ANTXR1: variants seen among roughly 807,000 people sequenced by gnomAD.
ANTXR1 encodes the protein ANTXR cell adhesion molecule 1.
A neutral mutation model predicts 78.1 loss-of-function variants in ANTXR1; 19 were observed. That is an observed-to-expected ratio of 0.24 (90% CI 0.17 to 0.36). ANTXR1 has a LOEUF of 0.36. Among genes scored for constraint, ANTXR1 ranks in the 10% least tolerant of loss-of-function variants. The pLI is 1.00. For missense variants in ANTXR1, 518 were observed against 718.6 expected, an observed-to-expected ratio of 0.72 and a Z score of 3.19; for synonymous variants, 273 against 260.5, an observed-to-expected ratio of 1.05 and a Z score of -0.46.
At chr2:69,116,600 A>G (rs999436795) in intron 10 of ANTXR1, among the ~76,000 whole-genome samples, 3 of 152,138 alleles carry the variant, frequency 2.0e-5, no homozygotes, top group Admixed American at 6.5e-5. Context: ...GGACACTAGG[A>G]GAAACAGCAA....
Position 69,077,474 on chromosome 2 carries a change from G to A in ANTXR1, c.628G>A (p.Gly210Ser). 1 of 1,614,152 alleles carries A rather than the reference G, an allele frequency of 6.2e-7. No individual in the cohort carries two copies. Among genetic ancestry groups the A allele is most frequent in the Non-Finnish European group, 8.5e-7 (1 of 1,180,022 alleles). ...GAATGACGGCTTTCAGGCTCTGCAAGGCATCATCCACTCAGTAAGTAGAGC... is the reference window on the plus strand; with the variant it reads ...GAATGACGGCTTTCAGGCTCTGCAAAGCATCATCCACTCAGTAAGTAGAGC... ...PVNDGFQALQ[G>S]IIHSILKKSC... Residue 210 changes from glycine (G) to serine (S), a missense_variant, in exon 8 of 18, where the codon GGC becomes AGC. Physicochemically the swap from Gly to Ser is moderately conservative, Grantham distance 56 (BLOSUM62 0). This residue lies in a region of ANTXR1 where 264 missense variants were observed against 391.8 expected (regional missense o/e 0.67). Coordinates refer to ENST00000303714, the MANE Select transcript of ANTXR1 (RefSeq NM_032208.3).
At chr2:69,079,817 C>T (rs909114640) in intron 8 of ANTXR1, among the ~76,000 whole-genome samples, 10 of 152,178 alleles carry the variant, frequency 6.6e-5, no homozygotes, top group Non-Finnish European at 1.3e-4. Context: ...TCTGTTCAGA[C>T]GTTCTTATGA....
rs549725614 is a variant in ANTXR1, at chr2:69,070,162, T to C, written c.297-485T>C. On this transcript the variant is annotated intron_variant, in intron 3 of 17. Transcript: ENST00000303714. ...GCTGTCCTGGAAAGCGGAGATTCCTTGGGTTTTTATTTTCCGTTTCCTTTG... is the reference window on the plus strand; with the variant it reads ...GCTGTCCTGGAAAGCGGAGATTCCTCGGGTTTTTATTTTCCGTTTCCTTTG... Among the ~76,000 whole-genome samples the C allele has an allele frequency of 3.7e-4, 57 of 152,272 alleles. 2 individuals carry two copies. In the South Asian group the frequency reaches 0.011, roughly 30 times the overall value.
At chr2:69,040,331 G>C (rs918998152) in intron 2 of ANTXR1, among the ~76,000 whole-genome samples, 1 of 152,190 alleles carries the variant, frequency 6.6e-6, no homozygotes, top group Non-Finnish European at 1.5e-5. Flanking sequence ...GCCAAATCTG[G>C]TTACGAGACC....
chr2:69,040,323 C>T (rs1393247694), intron 2 of ANTXR1, among the ~76,000 whole-genome samples: 2 of 152,178 alleles, frequency 1.3e-5, no homozygotes, highest in African/African-American at 4.8e-5. Context: ...TGGGAGGAGC[C>T]AAATCTGGTT....
At chr2:69,070,141 T>C (rs1670524283) in intron 3 of ANTXR1, among the ~76,000 whole-genome samples, 2 of 152,198 alleles carry the variant, frequency 1.3e-5, no homozygotes, top group South Asian at 4.1e-4. Context: ...CTCTTGGCTG[T>C]CCTGGAAAGC....
Position 69,106,489 on chromosome 2 carries a change from T to TACAGGACACCAGATCTCAGGTCTGTGCC in ANTXR1, c.802+3551_802+3578dup, listed in dbSNP as rs1306656976. 2.0e-5 allele frequency among the ~76,000 whole-genome samples: 3 copies of TACAGGACACCAGATCTCAGGTCTGTGCC among 152,348 alleles called. No homozygotes were observed. In the East Asian group the frequency reaches 5.8e-4, roughly 29 times the overall value. On this transcript the variant is annotated intron_variant, in intron 10 of 17. Transcript: ENST00000303714. ...GCTGTGACCCCGATGCTGATGCAGATACAGGACACCAGATCTCAGGTCTGT... is the reference window on the plus strand; with the variant it reads ...GCTGTGACCCCGATGCTGATGCAGATACAGGACACCAGATCTCAGGTCTGTGCCACAGGACACCAGATCTCAGGTCTGT...
intron 9 of ANTXR1, among the ~76,000 whole-genome samples, chr2:69,098,241 A>G (rs902776972): frequency 6.6e-6 from 1 of 152,246 alleles, no homozygotes; most frequent in African/African-American, 2.4e-5. Context: ...TTGTATATCA[A>G]TTATGCCTCA....
At chr2:69,043,851 C>A (rs926418921) in intron 2 of ANTXR1, among the ~76,000 whole-genome samples, 1 of 152,060 alleles carries the variant, frequency 6.6e-6, no homozygotes, top group African/African-American at 2.4e-5. Flanking sequence ...AGCTAAGATA[C>A]GGGAAGTGAG....
chr2:69,161,221 A>C (rs970946118), intron 13 of ANTXR1, among the ~76,000 whole-genome samples: 9 of 152,226 alleles, frequency 5.9e-5, no homozygotes, highest in African/African-American at 1.9e-4. Context: ...GAGACCATGC[A>C]CAGCCATTCT....
chr2:69,054,658 C>T (rs1054306940), intron 3 of ANTXR1, among the ~76,000 whole-genome samples: 9 of 152,110 alleles, frequency 5.9e-5, no homozygotes, highest in African/African-American at 1.9e-4. Context: ...TGTGGTTTTG[C>T]TATTAGTGTC....
chr2:69,242,214 T>C (rs1236066703), intron 17 of ANTXR1, among the ~76,000 whole-genome samples: 1 of 152,168 alleles, frequency 6.6e-6, no homozygotes, highest in Non-Finnish European at 1.5e-5. Flanking sequence ...TCTGCTGCTC[T>C]GGCCAAGACA....
chr2:69,197,745 G>A (rs970304536), intron 17 of ANTXR1, among the ~76,000 whole-genome samples: 3 of 152,152 alleles, frequency 2.0e-5, no homozygotes, highest in Admixed American at 6.5e-5. Flanking sequence ...GGTCCCCAAG[G>A]CTTCCTGCAC....
intron 17 of ANTXR1, among the ~76,000 whole-genome samples, chr2:69,206,515 G>C (rs1036554189): frequency 5.3e-5 from 8 of 152,220 alleles, no homozygotes; most frequent in African/African-American, 1.9e-4. Context: ...AAGGGAAGTA[G>C]TTCTGACCAA....
chr2:69,013,209 G>A lies in ANTXR1; in HGVS notation c.-291G>A. On this transcript the variant is annotated 5_prime_UTR_variant, in exon 1 of 18. Coordinates refer to ENST00000303714, the MANE Select transcript of ANTXR1 (RefSeq NM_032208.3). This position sits in a 1 kb window ranked among gnomAD's most constrained non-coding sequence, Gnocchi z 5.0. ...ACTCCTTCCATTGCAAAAGCTCGGC[G>A]CGGCCTCGGGAGCTGCCCGGCGGCC... 2.1e-6 allele frequency: 1 copy of A among 480,452 alleles called. No individual in the cohort carries two copies. Among genetic ancestry groups the A allele is most frequent in the Non-Finnish European group, 3.7e-6 (1 of 272,202 alleles). The allele number at this position is 480,452 out of a possible 1,614,324, so 29.8% of individuals were successfully genotyped here. A position where few individuals can be genotyped will look rare whatever the true frequency, so the allele number is the denominator to read the frequency against.
In ANTXR1 at chr2:69,170,300, A is replaced by C. The variant is rs1224707590; in HGVS notation, c.1089+11A>C. Reference sequence around the variant, plus strand: ...GCCGAGGAGAGTGAGGTAAGTGACCACAGCAGGATGGCAGTGGGTGGGCAG... The same window carrying C: ...GCCGAGGAGAGTGAGGTAAGTGACCCCAGCAGGATGGCAGTGGGTGGGCAG... On this transcript the variant is annotated intron_variant, in intron 14 of 17. Coordinates refer to ENST00000303714, the MANE Select transcript of ANTXR1 (RefSeq NM_032208.3). 1 of 1,613,920 alleles carries C rather than the reference A, an allele frequency of 6.2e-7. No individual in the cohort carries two copies. Among genetic ancestry groups the C allele is most frequent in the African/African-American group, 1.3e-5 (1 of 74,948 alleles).
At chr2:69,015,086 A>AG (rs372442956) in intron 1 of ANTXR1, among the ~76,000 whole-genome samples, 1,654 of 148,084 alleles carry the variant, frequency 0.011, 49 homozygotes, top group East Asian at 0.11. Context: ...AAAAAAAAAA[A>AG]GGGGGACAGA....
chr2:69,188,034 CAAAAAAAAAAAAA>C (rs34500820), intron 16 of ANTXR1, among the ~76,000 whole-genome samples: 17 of 90,830 alleles, frequency 1.9e-4, no homozygotes, highest in African/African-American at 2.6e-4. Flanking sequence ...TGCTGCCTGG[CAAAAAAAAAAAAA>C]AAAAAAAAAA....
intron 12 of ANTXR1, among the ~76,000 whole-genome samples, chr2:69,141,707 C>T (rs1000315830): frequency 6.6e-6 from 1 of 152,176 alleles, no homozygotes; most frequent in African/African-American, 2.4e-5. Flanking sequence ...ATGAATGTGT[C>T]AAAATGGGTT....
Sources: allele counts gnomAD v4.1 joint callset (sites outside exome capture counted in the v4.1 genomes callset), GRCh38; gene constraint gnomAD v4.1.1; regional missense constraint gnomAD v4.1.1; non-coding constraint Gnocchi (gnomAD v3.1); transcripts MANE v1.5; gene names NCBI Gene and HGNC (gene_info 2026-07-23, HGNC 2026-07-21).